The following LOC128125817 variants were observed in gnomAD, a reference collection of about 807,000 sequenced individuals.
At chr1:41,617,741 C>A in the LOC128125817 span, among the ~76,000 whole-genome samples, 1 of 152,260 alleles carries the variant, frequency 6.6e-6, no homozygotes, top group South Asian at 2.1e-4. Context: ...AAATCACACA[C>A]ATGCCTTCCT....
chr1:41,624,773 C>T, the LOC128125817 span, among the ~76,000 whole-genome samples: 1 of 152,156 alleles, frequency 6.6e-6, no homozygotes, highest in Non-Finnish European at 1.5e-5. Context: ...TCTACTCCTC[C>T]CCAAATGCCC....
the LOC128125817 span, among the ~76,000 whole-genome samples, chr1:41,593,041 TG>T: frequency 6.6e-6 from 1 of 152,220 alleles, no homozygotes; most frequent in Non-Finnish European, 1.5e-5. Flanking sequence ...GCCTCTCCTT[TG>T]GGCTTGGGTT....
the LOC128125817 span, among the ~76,000 whole-genome samples, chr1:41,625,316 T>C: frequency 6.6e-6 from 1 of 152,308 alleles, no homozygotes; most frequent in African/African-American, 2.4e-5. Context: ...AAACTTCTTC[T>C]GTAAAGGGCC....
At chr1:41,589,681 G>A in the LOC128125817 span, among the ~76,000 whole-genome samples, 3 of 152,194 alleles carry the variant, frequency 2.0e-5, no homozygotes, top group South Asian at 6.2e-4. Context: ...AGACTGAGGA[G>A]CTGGGGTCCC....
chr1:41,620,946 G>A, the LOC128125817 span, among the ~76,000 whole-genome samples: 1 of 152,174 alleles, frequency 6.6e-6, no homozygotes, highest in South Asian at 2.1e-4. Flanking sequence ...AGGACCACCC[G>A]AGGCCCTGAG....
At chr1:41,628,604 A>G in the LOC128125817 span, 1 of 649,252 alleles carries the variant, frequency 1.5e-6, no homozygotes, top group Non-Finnish European at 2.2e-6. Context: ...CTTTCACAAC[A>G]ACTTTCACAG....
chr1:41,591,069 A>T, the LOC128125817 span, among the ~76,000 whole-genome samples: 61 of 152,370 alleles, frequency 4.0e-4, 1 homozygote, highest in East Asian at 0.01. Context: ...CATTCAATAA[A>T]TAATAATCAT....
At chr1:41,586,904 G>T in the LOC128125817 span, among the ~76,000 whole-genome samples, 1 of 151,940 alleles carries the variant, frequency 6.6e-6, no homozygotes, top group Non-Finnish European at 1.5e-5. Context: ...TCATAAATAA[G>T]AATAACAAAT....
At chr1:41,620,247 C>T in the LOC128125817 span, among the ~76,000 whole-genome samples, 13 of 152,310 alleles carry the variant, frequency 8.5e-5, no homozygotes, top group South Asian at 1.2e-3. Flanking sequence ...CCTGCAGCTA[C>T]GCTGGCCAGG....
At chr1:41,605,104 CCAAT>C in the LOC128125817 span, among the ~76,000 whole-genome samples, 1 of 72,464 alleles carries the variant, frequency 1.4e-5, no homozygotes, top group African/African-American at 4.3e-5. Context: ...GACTCTGTCT[CCAAT>C]AAAAAAAAAA....
At chr1:41,617,318 A>G in the LOC128125817 span, among the ~76,000 whole-genome samples, 1 of 152,214 alleles carries the variant, frequency 6.6e-6, no homozygotes, top group African/African-American at 2.4e-5. Context: ...TTTGGTTAAA[A>G]TACCTATGGG....
At chr1:41,608,721 G>A in the LOC128125817 span, among the ~76,000 whole-genome samples, 2 of 152,304 alleles carry the variant, frequency 1.3e-5, no homozygotes, top group East Asian at 1.9e-4. Flanking sequence ...GAATGTTTCC[G>A]TCCCACGGAT....
chr1:41,628,618 C>T, the LOC128125817 span: 1 of 729,356 alleles, frequency 1.4e-6, no homozygotes, highest in Non-Finnish European at 1.9e-6. Context: ...TTCACAGAGG[C>T]ACCAGAAAGG....
At chr1:41,600,906 T>C in the LOC128125817 span, among the ~76,000 whole-genome samples, 4 of 152,204 alleles carry the variant, frequency 2.6e-5, no homozygotes, top group Non-Finnish European at 5.9e-5. Flanking sequence ...TTGATCTTTA[T>C]GTACGGTGAT....
the LOC128125817 span, among the ~76,000 whole-genome samples, chr1:41,596,787 C>A: frequency 1.3e-5 from 2 of 152,132 alleles, no homozygotes; most frequent in Admixed American, 6.5e-5. Flanking sequence ...ATCCAGGAAA[C>A]CCCCAAGGGC....
the LOC128125817 span, among the ~76,000 whole-genome samples, chr1:41,597,321 A>G: frequency 6.6e-6 from 1 of 152,176 alleles, no homozygotes; most frequent in Non-Finnish European, 1.5e-5. Context: ...AGATCAAGCA[A>G]TGATGTAGCA....
chr1:41,588,774 A>G, the LOC128125817 span, among the ~76,000 whole-genome samples: 2 of 152,212 alleles, frequency 1.3e-5, no homozygotes, highest in Non-Finnish European at 2.9e-5. Context: ...GTCATTCTGC[A>G]CAACAGGCAT....
chr1:41,607,825 T>C, the LOC128125817 span, among the ~76,000 whole-genome samples: 1 of 152,240 alleles, frequency 6.6e-6, no homozygotes, highest in East Asian at 1.9e-4. Flanking sequence ...TAAGTGGCCA[T>C]GGCTGATATG....
chr1:41,620,494 C>T, the LOC128125817 span, among the ~76,000 whole-genome samples: 1 of 152,084 alleles, frequency 6.6e-6, no homozygotes, highest in African/African-American at 2.4e-5. Flanking sequence ...TCCATCCAAG[C>T]TTTTTCTTCC....
Sources: gnomAD v4.1 joint callset for allele counts (sites outside exome capture counted in the v4.1 genomes callset) on GRCh38, gnomAD v4.1.1 for gene constraint, MANE v1.5 for transcripts.